Variants in RIT2 observed in about 807,000 individuals in gnomAD.
RIT2 encodes the protein GTP-binding protein Rit2.
A neutral mutation model predicts 23.7 loss-of-function variants in RIT2; 24 were observed. The observed-to-expected ratio is 1.01, with a 90% CI of 0.73 to 1.43. The LOEUF (loss-of-function observed/expected upper bound fraction) is 1.43. RIT2 is among the 40% of genes most tolerant of loss of function. The pLI is 0.00. For synonymous variants in RIT2, 107 were observed against 91.1 expected, an observed-to-expected ratio of 1.17 and a Z score of -0.99; for missense variants, 236 against 266.9, an observed-to-expected ratio of 0.88 and a Z score of 0.81.
intron 4 of RIT2, among the ~76,000 whole-genome samples, chr18:42,765,590 C>T (rs970600229): frequency 2.0e-5 from 3 of 152,112 alleles, no homozygotes; most frequent in Non-Finnish European, 4.4e-5. Flanking sequence ...AAAACCCAAG[C>T]CCCAGGGAAA....
chr18:42,908,264 CTA>C, intron 4 of RIT2, among the ~76,000 whole-genome samples: 1 of 151,398 alleles, frequency 6.6e-6, no homozygotes, highest in East Asian at 1.9e-4. Flanking sequence ...AGAAAATAGA[CTA>C]AAAGAAAAAA....
At chr18:42,904,448 G>C (rs1380408253) in intron 4 of RIT2, among the ~76,000 whole-genome samples, 2 of 152,124 alleles carry the variant, frequency 1.3e-5, no homozygotes, top group Non-Finnish European at 2.9e-5. Context: ...TTCCCAGAGA[G>C]GGGCATGAGA....
rs1555647355 is a variant in RIT2 at position 42,929,034 on chromosome 18, G to GATTATATATATATAT, written c.235-5272_235-5271insATATATATATATAAT. On this transcript the variant is annotated intron_variant, in intron 3 of 4. Transcript: ENST00000326695. Reference sequence around the variant, plus strand: ...ACATATACTAAAACTAAAATATGGAGATATATATATATATATATATATATT... The same window carrying GATTATATATATATAT: ...ACATATACTAAAACTAAAATATGGAGATTATATATATATATATATATATATATATATATATATATT... Among the ~76,000 whole-genome samples, 38 of 96,942 alleles carry GATTATATATATATAT rather than the reference G, an allele frequency of 3.9e-4. No homozygotes were observed. In the South Asian group the frequency reaches 5.3e-3, roughly 14 times the overall value. The allele number at this position is 96,942 out of a possible 152,430, so 63.6% of individuals were successfully genotyped here.
rs1015439543 is a variant in RIT2 at position 42,948,907 on chromosome 18, G to C, written c.235-25144C>G. 41 of 396,372 alleles carry C rather than the reference G, an allele frequency of 1.0e-4. No individual in the cohort carries two copies. The East Asian group carries it at 1.5e-3, about 14-fold the overall frequency. The allele number at this position is 396,372 out of a possible 1,614,324, so 24.6% of individuals were successfully genotyped here. Reference sequence around the variant, plus strand: ...TATAGGAAAGGAAATGAGACGGTCAGAGAATCCTGCCCACCTAGGAGCTTA... The same window carrying C: ...TATAGGAAAGGAAATGAGACGGTCACAGAATCCTGCCCACCTAGGAGCTTA... On this transcript the variant is annotated intron_variant, in intron 3 of 4. Transcript: ENST00000326695.
intron 2 of RIT2, among the ~76,000 whole-genome samples, chr18:43,000,613 G>A (rs113079418): frequency 6.6e-4 from 100 of 152,062 alleles, no homozygotes; most frequent in African/African-American, 2.2e-3. Context: ...AGAAAGGGAC[G>A]TGGTGGGAGG....
intron 1 of RIT2, among the ~76,000 whole-genome samples, chr18:43,096,542 T>A (rs919911513): frequency 6.6e-6 from 1 of 151,944 alleles, no homozygotes; most frequent in Non-Finnish European, 1.5e-5. Context: ...GAACAGATTA[T>A]TAACATATTA....
intron 1 of RIT2, among the ~76,000 whole-genome samples, chr18:43,114,195 G>A (rs1341606826): frequency 6.6e-6 from 1 of 151,916 alleles, no homozygotes; most frequent in Non-Finnish European, 1.5e-5. Flanking sequence ...ACTTTGATAT[G>A]CATTTTGCTA....
intron 4 of RIT2, chr18:42,923,308 A>G: frequency 3.0e-6 from 1 of 333,716 alleles, no homozygotes; most frequent in Non-Finnish European, 5.4e-6. Flanking sequence ...AGTCAACAAG[A>G]ATCATTTCTA....
intron 2 of RIT2, among the ~76,000 whole-genome samples, chr18:43,001,258 C>A (rs752375421): frequency 6.6e-6 from 1 of 151,878 alleles, no homozygotes; most frequent in Non-Finnish European, 1.5e-5. Context: ...GGGAGGGCCA[C>A]ACAGTGAATG....
chr18:42,875,286 T>A (rs1161426837), intron 4 of RIT2, among the ~76,000 whole-genome samples: 1 of 151,908 alleles, frequency 6.6e-6, no homozygotes, highest in Non-Finnish European at 1.5e-5. Flanking sequence ...CTCGGGCAAG[T>A]TACTTTATTT....
At chr18:42,816,461 T>C (rs1243882180) in intron 4 of RIT2, among the ~76,000 whole-genome samples, 2 of 152,194 alleles carry the variant, frequency 1.3e-5, no homozygotes, top group Non-Finnish European at 2.9e-5. Flanking sequence ...AATGCAACAC[T>C]GGGAAATAGA....
At chr18:43,055,900 G>A (rs991801120) in intron 1 of RIT2, among the ~76,000 whole-genome samples, 17 of 152,058 alleles carry the variant, frequency 1.1e-4, no homozygotes. Context: ...CAGGTACCTT[G>A]GTGTTGGCAG....
intron 4 of RIT2, among the ~76,000 whole-genome samples, chr18:42,819,527 T>G (rs1906090970): frequency 6.6e-6 from 1 of 152,052 alleles, no homozygotes; most frequent in African/African-American, 2.4e-5. Context: ...GCAAAGTGGG[T>G]TTTATTGTAT....
At chr18:43,049,319 T>A (rs1382392061) in intron 1 of RIT2, among the ~76,000 whole-genome samples, 1 of 152,198 alleles carries the variant, frequency 6.6e-6, no homozygotes, top group Non-Finnish European at 1.5e-5. Flanking sequence ...TAACTTCAAA[T>A]GCTGCTTCAT....
At chr18:43,058,358 A>G (rs1481579334) in intron 1 of RIT2, among the ~76,000 whole-genome samples, 1 of 152,132 alleles carries the variant, frequency 6.6e-6, no homozygotes, top group Non-Finnish European at 1.5e-5. Flanking sequence ...CTACTCAAGG[A>G]ATAATCCAGC....
chr18:43,042,547 CT>C (rs1912152929), intron 1 of RIT2, among the ~76,000 whole-genome samples: 1 of 152,184 alleles, frequency 6.6e-6, no homozygotes, highest in African/African-American at 2.4e-5. Context: ...CAGATTATTA[CT>C]CACTTGGGCC....
intron 2 of RIT2, among the ~76,000 whole-genome samples, chr18:42,980,507 T>C (rs1407024095): frequency 6.6e-6 from 1 of 151,982 alleles, no homozygotes; most frequent in Non-Finnish European, 1.5e-5. Context: ...GGGTAGTTGA[T>C]ACCAATCAGT....
At position 43,095,499 on chromosome 18, in the gene RIT2, C is replaced by A. The variant is rs539210819; in HGVS notation, c.103+19918G>T. ...TACGTTGTGCACATGTACCCTAGAA[C>A]TTAAAGTTCAATAAAAAAATAAAAA... On this transcript the variant is annotated intron_variant, in intron 1 of 4. Transcript: ENST00000326695. Among the ~76,000 whole-genome samples, 11 of 151,874 alleles carry A rather than the reference C, an allele frequency of 7.2e-5. No individual in the cohort carries two copies. The South Asian group carries it at 2.3e-3, about 32-fold the overall frequency.
chr18:42,811,138 C>A (rs1905839773), intron 4 of RIT2, among the ~76,000 whole-genome samples: 1 of 151,874 alleles, frequency 6.6e-6, no homozygotes, highest in Admixed American at 6.6e-5. Context: ...CTTATTCATC[C>A]CTGAGGGATC....
Sources: allele counts gnomAD v4.1 joint callset (sites outside exome capture counted in the v4.1 genomes callset), GRCh38; gene constraint gnomAD v4.1.1; transcripts MANE v1.5; gene names NCBI Gene and HGNC (gene_info 2026-07-23, HGNC 2026-07-21).